Variants in TULP4 observed in about 807,000 individuals in gnomAD.
The protein encoded by TULP4 is TUB like protein 4.
A neutral mutation model predicts 129.0 loss-of-function variants in TULP4; 16 were observed. That is an observed-to-expected ratio of 0.12 (90% CI 0.08 to 0.19). TULP4 has a LOEUF of 0.19. Among genes scored for constraint, TULP4 ranks in the 10% least tolerant of loss-of-function variants. The probability of loss-of-function intolerance (pLI) is 1.00; values close to 1 mark genes in which losing one functional copy is unlikely to be tolerated. For synonymous variants in TULP4, 998 were observed against 854.0 expected, an observed-to-expected ratio of 1.17 and a Z score of -2.94; for missense variants, 1,842 against 2,059.1, an observed-to-expected ratio of 0.89 and a Z score of 2.04.
intron 1 of TULP4, among the ~76,000 whole-genome samples, chr6:158,273,022 G>C (rs1778577452): frequency 6.6e-6 from 1 of 152,202 alleles, no homozygotes; most frequent in South Asian, 2.1e-4. Context: ...GGCCCTTGTT[G>C]AGGGACCTAC....
chr6:158,502,552 A>T lies in TULP4; in HGVS notation c.2889A>T (p.Glu963Asp). 6.2e-7 allele frequency: 1 copy of T among 1,608,330 alleles called. No homozygotes were observed. Among genetic ancestry groups the T allele is most frequent in the Non-Finnish European group, 8.5e-7 (1 of 1,179,890 alleles). Residue 963 changes from glutamate (E) to aspartate (D), a missense_variant, in exon 13 of 14, where the codon GAA (glutamate) becomes GAT (aspartate). This residue lies in a region of TULP4 where 1,089 missense variants were observed against 987.1 expected (regional missense o/e 1.10). Transcript: ENST00000367097. ...IPTGDPPPYP[E>D]IASQLAQGRG... ...CCGGGGACCCACCCCCGTATCCTGA[A>T]ATTGCCAGCCAGCTGGCCCAGGGGC... is the stretch of plus-strand genomic sequence containing the variant.
At chr6:158,341,407 A>G (rs1444353178) in intron 1 of TULP4, among the ~76,000 whole-genome samples, 1 of 152,228 alleles carries the variant, frequency 6.6e-6, no homozygotes, top group Non-Finnish European at 1.5e-5. Flanking sequence ...GGGAGTACAG[A>G]TAACTCTTTG....
At chr6:158,328,517 C>G (rs1303191375) in intron 1 of TULP4, among the ~76,000 whole-genome samples, 1 of 152,144 alleles carries the variant, frequency 6.6e-6, no homozygotes, top group East Asian at 1.9e-4. Flanking sequence ...CAGAGAATAA[C>G]CCTTCAGTGC....
intron 9 of TULP4, among the ~76,000 whole-genome samples, chr6:158,491,413 C>CTTTCTT (rs1780197172): frequency 3.7e-5 from 1 of 26,696 alleles, no homozygotes; most frequent in South Asian, 2.2e-3. Context: ...TTCTTTCTTT[C>CTTTCTT]TTTCTTTCTT....
At chr6:158,257,524 C>T (rs1778271874) in intron 1 of TULP4, among the ~76,000 whole-genome samples, 2 of 152,204 alleles carry the variant, frequency 1.3e-5, no homozygotes. Context: ...CATGTTTCAA[C>T]CAGGTGCTTT....
chr6:158,487,893 T>C (rs1780109319), intron 8 of TULP4, among the ~76,000 whole-genome samples: 1 of 152,238 alleles, frequency 6.6e-6, no homozygotes, highest in South Asian at 2.1e-4. Context: ...TTCTAGTCTC[T>C]GGGGTTAAAG....
intron 1 of TULP4, among the ~76,000 whole-genome samples, chr6:158,376,356 A>G (rs1024543501): frequency 3.9e-5 from 6 of 152,144 alleles, no homozygotes; most frequent in Admixed American, 1.3e-4. Context: ...TGGTGCCTAC[A>G]CTGGACAAAG....
At chr6:158,318,322 GA>G (rs964427223) in intron 1 of TULP4, among the ~76,000 whole-genome samples, 1 of 152,078 alleles carries the variant, frequency 6.6e-6, no homozygotes, top group Non-Finnish European at 1.5e-5. Context: ...GCAAAGAAAA[GA>G]ATATGTTCCA....
At chr6:158,367,894 A>G (rs2114863468) in intron 1 of TULP4, among the ~76,000 whole-genome samples, 1 of 148,248 alleles carries the variant, frequency 6.7e-6, no homozygotes, top group South Asian at 2.2e-4. Flanking sequence ...CCTGGGCAAC[A>G]TGGTGAAACC....
rs1346424120 is a variant in TULP4 at position 158,493,632 on chromosome 6, G to A, written c.1691G>A (p.Arg564Gln). Reference protein sequence around the residue: ...KLPRAAQELSRSPRLPLRKPS... With the variant: ...KLPRAAQELSQSPRLPLRKPS... ...CCCCGGGCTGCTCAGGAGCTCTCCC[G>A]GTCCCCACGGTTGCCCCTGCGCAAG... is the stretch of plus-strand genomic sequence containing the variant. The change falls in exon 10 of 14, where the codon CGG becomes CAG. Residue 564 changes from arginine (R) to glutamine (Q), a missense_variant. Around this residue, in one of 5 missense-constraint regions of TULP4, gnomAD observed 456 missense variants for 534.3 expected, o/e 0.85. Transcript: ENST00000367097. The surrounding 1 kb of genome is among the most constrained non-coding windows in gnomAD (Gnocchi z 4.4). The A allele has an allele frequency of 9.4e-6, 15 of 1,597,844 alleles. No individual in the cohort carries two copies. Among genetic ancestry groups the A allele is most frequent in the Admixed American group, 3.5e-5 (2 of 57,828 alleles).
intron 1 of TULP4, among the ~76,000 whole-genome samples, chr6:158,258,718 C>A (rs984615034): frequency 3.3e-5 from 5 of 152,198 alleles, no homozygotes; most frequent in Admixed American, 2.6e-4. Context: ...CCGCCATCAC[C>A]AGTGCTAACA....
intron 8 of TULP4, 55 bp from the exon 9 acceptor site, chr6:158,489,533 G>T: frequency 6.2e-7 from 1 of 1,605,452 alleles, no homozygotes; most frequent in Non-Finnish European, 8.5e-7. Context: ...ATGATCATTG[G>T]TAGGGGCTAA....
At chr6:158,367,943 A>G (rs2114863819) in intron 1 of TULP4, among the ~76,000 whole-genome samples, 1 of 150,148 alleles carries the variant, frequency 6.7e-6, no homozygotes, top group Middle Eastern at 3.4e-3. Context: ...AAAAAATCAA[A>G]TCTGGGCGTG....
chr6:158,288,245 G>A (rs1778863247), intron 1 of TULP4, among the ~76,000 whole-genome samples: 1 of 151,936 alleles, frequency 6.6e-6, no homozygotes, highest in Non-Finnish European at 1.5e-5. Context: ...CAGCCTAGGT[G>A]GTTTGTTTTC....
At chr6:158,360,652 T>C (rs964276931) in intron 1 of TULP4, among the ~76,000 whole-genome samples, 16 of 152,168 alleles carry the variant, frequency 1.1e-4, no homozygotes, top group African/African-American at 2.9e-4. Context: ...GGCAGGTAAT[T>C]GTTGCTGAGA....
intron 1 of TULP4, among the ~76,000 whole-genome samples, chr6:158,269,831 G>A (rs985440469): frequency 6.6e-6 from 1 of 152,216 alleles, no homozygotes; most frequent in African/African-American, 2.4e-5. Context: ...TGTTTGAAAA[G>A]TTACCCAGTC....
chr6:158,403,517 T>C (rs1447686974), intron 1 of TULP4, among the ~76,000 whole-genome samples: 1 of 152,134 alleles, frequency 6.6e-6, no homozygotes, highest in Non-Finnish European at 1.5e-5. Flanking sequence ...TTTTTGTATT[T>C]TTAGTAGAGA....
At chr6:158,264,914 T>C (rs941534587) in intron 1 of TULP4, among the ~76,000 whole-genome samples, 2 of 152,200 alleles carry the variant, frequency 1.3e-5, no homozygotes, top group Non-Finnish European at 2.9e-5. Flanking sequence ...GGATTCTCTG[T>C]GCCTTCAAAA....
Position 158,411,179 on chromosome 6 carries a change from A to G in TULP4, c.253-1886A>G, listed in dbSNP as rs1188529191. Among the ~76,000 whole-genome samples, 8 of 152,098 alleles carry G rather than the reference A, an allele frequency of 5.3e-5. No individual in the cohort carries two copies. The South Asian group carries it at 1.5e-3, about 28-fold the overall frequency. ...CTTGAAATAGTTTCCAATACCTTCT[A>G]TATAGTTCAAAGATATAAGTTAACA... is the stretch of plus-strand genomic sequence containing the variant. On this transcript the variant is annotated intron_variant, in intron 1 of 13. Transcript: ENST00000367097.
Sources: gnomAD v4.1 joint callset for allele counts (sites outside exome capture counted in the v4.1 genomes callset) on GRCh38, gnomAD v4.1.1 for gene constraint, gnomAD v4.1.1 regional missense constraint, Gnocchi (gnomAD v3.1) non-coding constraint, MANE v1.5 for transcripts, NCBI Gene and HGNC (gene_info 2026-07-23, HGNC 2026-07-21) for gene names.